Variants in NCAPD3 observed in about 807,000 individuals in gnomAD.
The protein encoded by NCAPD3 is non-SMC condensin II complex subunit D3, also known as condensin-2 complex subunit D3.
A neutral mutation model predicts 182.9 loss-of-function variants in NCAPD3; 105 were observed. The ratio of observed to expected loss-of-function variants is 0.57; its 90% CI spans 0.49 to 0.68. The LOEUF (loss-of-function observed/expected upper bound fraction) is 0.68, where lower values mean the gene tolerates loss of function less well. Among genes scored for constraint, NCAPD3 ranks in the 30% least tolerant of loss-of-function variants. NCAPD3 has a pLI of 0.00. For synonymous variants in NCAPD3, 815 were observed against 679.9 expected, an observed-to-expected ratio of 1.20 and a Z score of -3.09; for missense variants, 1,944 against 1,837.0, an observed-to-expected ratio of 1.06 and a Z score of -1.07.
intron 27 of NCAPD3, among the ~76,000 whole-genome samples, chr11:134,165,529 G>GAGA (rs1491107136): frequency 6.7e-6 from 1 of 148,200 alleles, no homozygotes; most frequent in East Asian, 2.1e-4. Flanking sequence ...ACTCACTTGT[G>GAGA]AGATGAGCTT....
In NCAPD3 at chr11:134,204,529, G is replaced by A. The variant is rs1293054717; in HGVS notation, c.1090-358C>T. Among the ~76,000 whole-genome samples the A allele has an allele frequency of 2.6e-5, 4 of 152,262 alleles. No homozygotes were observed. Among genetic ancestry groups the A allele is most frequent in the Admixed American group, 6.5e-5 (1 of 15,300 alleles). On this transcript the variant is annotated intron_variant, in intron 9 of 34. Transcript: ENST00000534548. This position sits in a 1 kb window ranked among gnomAD's most constrained non-coding sequence, Gnocchi z 4.3. ...TGTTTGATAATATTAAGGAATTACC[G>A]TGAAAGGATATGATGGAATTTGCTT...
chr11:134,158,612 C>A, intron 29 of NCAPD3, 117 bp from the exon 30 acceptor site: 4 of 1,094,436 alleles, frequency 3.7e-6, no homozygotes, highest in Non-Finnish European at 5.2e-6. Flanking sequence ...ATGTGGACAA[C>A]GTAATGATCA....
intron 3 of NCAPD3, among the ~76,000 whole-genome samples, chr11:134,216,108 C>G (rs568042939): frequency 1.4e-4 from 22 of 152,246 alleles, no homozygotes; most frequent in Admixed American, 2.6e-4. Context: ...CTAGTTACAA[C>G]CGAGACACTG....
intron 26 of NCAPD3, 28 bp from the exon 27 acceptor site, chr11:134,168,223 G>A: frequency 6.3e-7 from 1 of 1,598,266 alleles, no homozygotes. Flanking sequence ...AGAAAAACGT[G>A]AGCTTCTGAG....
At chr11:134,213,434 C>T (rs1451494854) in intron 3 of NCAPD3, among the ~76,000 whole-genome samples, 1 of 151,898 alleles carries the variant, frequency 6.6e-6, no homozygotes, top group Non-Finnish European at 1.5e-5. Context: ...ATTCTCCTGC[C>T]TCAGCCTCCC....
intron 27 of NCAPD3, among the ~76,000 whole-genome samples, chr11:134,165,498 A>T (rs1440537635): frequency 7.3e-6 from 1 of 137,700 alleles, no homozygotes; most frequent in Non-Finnish European, 1.5e-5. Context: ...CACTTGTGAG[A>T]TGAGCTTACG....
intron 32 of NCAPD3, among the ~76,000 whole-genome samples, chr11:134,156,553 G>A (rs1943423784): frequency 6.6e-6 from 1 of 152,176 alleles, no homozygotes; most frequent in Non-Finnish European, 1.5e-5. Context: ...AAACATGGAG[G>A]GGAATGAGAC....
chr11:134,213,371 G>A (rs532175195), intron 3 of NCAPD3, among the ~76,000 whole-genome samples: 15 of 151,496 alleles, frequency 9.9e-5, no homozygotes, highest in African/African-American at 3.4e-4. Flanking sequence ...CCAGGCTGGA[G>A]TGCAGTGGCA....
At chr11:134,174,097 GA>G (rs971944743) in intron 24 of NCAPD3, among the ~76,000 whole-genome samples, 4 of 151,986 alleles carry the variant, frequency 2.6e-5, no homozygotes, top group African/African-American at 4.8e-5. Flanking sequence ...AGAAACACAC[GA>G]AAAAACGTAT....
rs761646249 is a variant in NCAPD3, at chr11:134,177,374, C to T, written c.2866G>A (p.Ala956Thr). ...ACAATGATGACGTTGTTGCGGACAG[C>T]CACGTCCTCACACACCTCGAGCTCT... The part of the protein sequence containing the change: ...VRELEVCEDV[A>T]VRNNVIIVMC... The change falls in exon 23 of 35, where the codon GCT (alanine) becomes ACT (threonine). Residue 956 changes from alanine to threonine, a missense_variant. Coordinates refer to ENST00000534548, the MANE Select transcript of NCAPD3 (RefSeq NM_015261.3). 6.2e-7 allele frequency: 1 copy of T among 1,614,240 alleles called. No individual in the cohort carries two copies.
At chr11:134,175,320 G>GA (rs1339079131) in intron 24 of NCAPD3, among the ~76,000 whole-genome samples, 3 of 152,220 alleles carry the variant, frequency 2.0e-5, no homozygotes, top group African/African-American at 7.2e-5. Flanking sequence ...AAAAAGTCCT[G>GA]AGAGTCAGTA....
At chr11:134,176,475 T>C in intron 23 of NCAPD3, 89 bp from the exon 24 acceptor site, 1 of 1,071,626 alleles carries the variant, frequency 9.3e-7, no homozygotes, top group African/African-American at 1.5e-5. Flanking sequence ...CCACGCGGTC[T>C]GTCCCCGGCA....
At chr11:134,167,247 C>CACTT (rs1565526264) in intron 27 of NCAPD3, among the ~76,000 whole-genome samples, 6 of 98,666 alleles carry the variant, frequency 6.1e-5, no homozygotes, top group Admixed American at 1.2e-4. Flanking sequence ...GGCGCACACT[C>CACTT]GTGAGATGAG....
At chr11:134,156,713 G>A (rs1179795645) in intron 32 of NCAPD3, among the ~76,000 whole-genome samples, 2 of 152,198 alleles carry the variant, frequency 1.3e-5, no homozygotes, top group Non-Finnish European at 1.5e-5. Flanking sequence ...ACGGAGGGCC[G>A]CCTCCAGAAG....
At chr11:134,192,603 T>C in intron 16 of NCAPD3, 86 bp downstream of exon 16, 2 of 1,205,364 alleles carry the variant, frequency 1.7e-6, no homozygotes, top group Non-Finnish European at 1.2e-6. Flanking sequence ...GAAAGCTGAT[T>C]TTTCGAGGAC....
intron 2 of NCAPD3, among the ~76,000 whole-genome samples, 183 bp downstream of exon 2, chr11:134,220,388 TA>T (rs1489684448): frequency 6.6e-6 from 1 of 151,854 alleles, no homozygotes; most frequent in Non-Finnish European, 1.5e-5. Context: ...ATCAGACAAG[TA>T]CCTTGAAGCT....
At position 134,218,413 on chromosome 11, in the gene NCAPD3, C is replaced by A. The variant is rs1938109132; in HGVS notation, c.220-1315G>T. Among the ~76,000 whole-genome samples the A allele has an allele frequency of 2.0e-5, 3 of 152,136 alleles. No homozygotes were observed. The South Asian group carries it at 6.2e-4, about 32-fold the overall frequency. On this transcript the variant is annotated intron_variant, in intron 2 of 34. Transcript: ENST00000534548. ...GATCTCATGCATCACTGTGCTTCAA[C>A]CCATACCTCAATTTAAAGAACTCTC...
intron 3 of NCAPD3, among the ~76,000 whole-genome samples, chr11:134,215,827 G>C (rs1338661640): frequency 6.6e-6 from 1 of 152,152 alleles, no homozygotes; most frequent in African/African-American, 2.4e-5. Flanking sequence ...AAATGCAAGG[G>C]AGGCAGAACA....
At chr11:134,163,302 C>G (rs1305140856) in intron 27 of NCAPD3, among the ~76,000 whole-genome samples, 1 of 152,182 alleles carries the variant, frequency 6.6e-6, no homozygotes, top group Non-Finnish European at 1.5e-5. Flanking sequence ...ACCAGCACTA[C>G]AGACCACTCA....
Sources: gnomAD v4.1 joint callset for allele counts (sites outside exome capture counted in the v4.1 genomes callset) on GRCh38, gnomAD v4.1.1 for gene constraint, Gnocchi (gnomAD v3.1) non-coding constraint, MANE v1.5 for transcripts, NCBI Gene and HGNC (gene_info 2026-07-23, HGNC 2026-07-21) for gene names.